The following MVB12B variants were observed in gnomAD, a reference collection of about 807,000 sequenced individuals.
MVB12B encodes multivesicular body subunit 12B, also known as ESCRT-I complex subunit MVB12B.
A neutral mutation model predicts 41.6 loss-of-function variants in MVB12B; 16 were observed. The ratio of observed to expected loss-of-function variants is 0.38; its 90% CI spans 0.26 to 0.58. MVB12B has a LOEUF of 0.58. MVB12B is among the 20% of genes least tolerant of loss of function. The pLI, the probability that MVB12B is intolerant of heterozygous loss-of-function variation, is 0.62. For synonymous variants in MVB12B, 133 were observed against 139.7 expected (o/e 0.95, Z 0.34); for missense variants, 274 against 380.2 (o/e 0.72, Z 2.32).
rs1829191382 is a variant in MVB12B at position 126,333,594 on chromosome 9, C to T, written c.81+6584C>T. Among the ~76,000 whole-genome samples, 1 of 148,468 alleles carries T rather than the reference C, an allele frequency of 6.7e-6. No homozygotes were observed. The highest frequency in any genetic ancestry group is 6.7e-5 in the Admixed American group (1 of 14,954). The stretch of plus-strand genomic sequence containing the variant: ...AATTTTTGTATTTTTAGTAGAGATG[C>T]GGTTTTGCCATGTTGGCCAGGCTGG... On this transcript the variant is annotated intron_variant, in intron 1 of 9. Transcript: ENST00000361171. The surrounding 1 kb of genome is among the most constrained non-coding windows in gnomAD (Gnocchi z 4.7).
chr9:126,482,375 C>A (rs141288163), intron 8 of MVB12B, among the ~76,000 whole-genome samples: 4 of 152,256 alleles, frequency 2.6e-5, no homozygotes, highest in Non-Finnish European at 4.4e-5. Flanking sequence ...TGCGATTTGA[C>A]CTGCTCTGTA....
In MVB12B at chr9:126,392,337, G is replaced by T; in HGVS notation, c.539+142G>T. 2 of 963,274 alleles carry T rather than the reference G, an allele frequency of 2.1e-6. No homozygotes were observed. Among genetic ancestry groups the T allele is most frequent in the Non-Finnish European group, 3.1e-6 (2 of 644,174 alleles). 59.7% of individuals were successfully genotyped at this position (963,274 alleles called of 1,614,324 possible). A position where few individuals can be genotyped will look rare whatever the true frequency, so the allele number is the denominator to read the frequency against. On this transcript the variant is annotated intron_variant, in intron 5 of 9. Coordinates refer to ENST00000361171, the MANE Select transcript of MVB12B (RefSeq NM_033446.3). The surrounding 1 kb of genome is among the most constrained non-coding windows in gnomAD (Gnocchi z 4.8). ...CTCTGTCAGCCCAGTGCTCCTCGCT[G>T]CCCTTCCTGCTCAGCTGCGGTCTCT...
At chr9:126,348,245 G>C (rs1347851494) in intron 2 of MVB12B, among the ~76,000 whole-genome samples, 1 of 152,168 alleles carries the variant, frequency 6.6e-6, no homozygotes, top group Non-Finnish European at 1.5e-5. Flanking sequence ...ACTAGCCCTG[G>C]GCCTTTGTTC....
At chr9:126,437,512 A>G (rs1229021440) in intron 7 of MVB12B, among the ~76,000 whole-genome samples, 1 of 152,232 alleles carries the variant, frequency 6.6e-6, no homozygotes, top group Non-Finnish European at 1.5e-5. Flanking sequence ...CCATAATATT[A>G]TAGCTTATGA....
chr9:126,353,860 G>C lies in MVB12B; in HGVS notation c.204+13230G>C, dbSNP rs115662993. 6.1e-3 allele frequency among the ~76,000 whole-genome samples: 922 copies of C among 152,240 alleles called. 13 individuals are homozygous for C. Among genetic ancestry groups the C allele is most frequent in the African/African-American group, 0.021 (870 of 41,542 alleles). ...TGAGTATTCCCATTCATACATCTCT[G>C]GGTGTGTGCTGGTGGATCAAAGGAT... On this transcript the variant is annotated intron_variant, in intron 2 of 9. Transcript: ENST00000361171.
At chr9:126,393,916 G>A (rs934013246) in intron 5 of MVB12B, among the ~76,000 whole-genome samples, 2 of 152,248 alleles carry the variant, frequency 1.3e-5, no homozygotes, top group Non-Finnish European at 2.9e-5. Context: ...AGCCGCCTTT[G>A]TATCAGCCAG....
chr9:126,396,685 C>G lies in MVB12B; in HGVS notation c.662+988C>G, dbSNP rs927554967. The G allele has an allele frequency of 4.1e-6, 4 of 985,356 alleles. No individual in the cohort carries two copies. In the African/African-American group the frequency reaches 7.0e-5, roughly 17 times the overall value. The allele number at this position is 985,356 out of a possible 1,614,324, so 61.0% of individuals were successfully genotyped here. On this transcript the variant is annotated intron_variant, in intron 6 of 9. Coordinates refer to ENST00000361171, the MANE Select transcript of MVB12B (RefSeq NM_033446.3). ...GGCTCCAAAGCCCTGAGGACTCTGT[C>G]CTCTGGGACATCCCCCTATAAAGAC...
Position 126,402,598 on chromosome 9 carries a change from T to G in MVB12B, c.662+6901T>G, listed in dbSNP as rs550151807. On this transcript the variant is annotated intron_variant, in intron 6 of 9. Coordinates refer to ENST00000361171, the MANE Select transcript of MVB12B (RefSeq NM_033446.3). The stretch of plus-strand genomic sequence containing the variant: ...TCAAGGCTGCAGTGAGCTGTGATCA[T>G]GATTCCTCCATTGCATTCCAGCCTG... 3.3e-5 allele frequency among the ~76,000 whole-genome samples: 5 copies of G among 152,224 alleles called. No individual in the cohort carries two copies. In the East Asian group the frequency reaches 9.7e-4, roughly 29 times the overall value.
At chr9:126,397,924 A>G (rs1329574270) in intron 6 of MVB12B, among the ~76,000 whole-genome samples, 1 of 151,826 alleles carries the variant, frequency 6.6e-6, no homozygotes, top group African/African-American at 2.4e-5. Flanking sequence ...TTGTGCTCCG[A>G]GTGCTGGGGG....
intron 6 of MVB12B, among the ~76,000 whole-genome samples, chr9:126,416,865 C>T (rs564127704): frequency 1.3e-5 from 2 of 152,326 alleles, no homozygotes; most frequent in South Asian, 4.1e-4. Flanking sequence ...AATCTCATCT[C>T]GCCAGAGACC....
chr9:126,470,729 G>C (rs1479755096), intron 7 of MVB12B, among the ~76,000 whole-genome samples: 1 of 151,746 alleles, frequency 6.6e-6, no homozygotes. Flanking sequence ...CGTTTGTGGT[G>C]TGAGGGCACC....
chr9:126,491,608 T>TG, intron 9 of MVB12B, among the ~76,000 whole-genome samples: 1 of 152,200 alleles, frequency 6.6e-6, no homozygotes, highest in East Asian at 1.9e-4. Flanking sequence ...CTGAAATGTT[T>TG]GGGGAAATAA....
chr9:126,434,280 T>C (rs969013630), intron 7 of MVB12B, among the ~76,000 whole-genome samples: 4 of 152,210 alleles, frequency 2.6e-5, no homozygotes, highest in Admixed American at 2.0e-4. Flanking sequence ...AGCCTGGAGT[T>C]TGGATGGAAT....
intron 7 of MVB12B, among the ~76,000 whole-genome samples, chr9:126,455,156 ATTTATTTTATTTTATTTTATTTTTTAT>A (rs1027750091): frequency 6.6e-6 from 1 of 152,006 alleles, no homozygotes; most frequent in African/African-American, 2.4e-5. Context: ...CTAGAGGTGA[ATTTATTTTATTTTATTTTATTTTTTAT>A]TTTATTTTAT....
intron 7 of MVB12B, among the ~76,000 whole-genome samples, chr9:126,437,414 G>T (rs1385612535): frequency 6.6e-6 from 1 of 152,166 alleles, no homozygotes; most frequent in Non-Finnish European, 1.5e-5. Flanking sequence ...TAAACTATGT[G>T]CATCTGCTTT....
At chr9:126,458,982 G>A (rs1289806461) in intron 7 of MVB12B, among the ~76,000 whole-genome samples, 1 of 152,186 alleles carries the variant, frequency 6.6e-6, no homozygotes, top group East Asian at 1.9e-4. Flanking sequence ...ATTACTGAAA[G>A]TCAATACCTT....
At chr9:126,461,884 G>A (rs1194606941) in intron 7 of MVB12B, among the ~76,000 whole-genome samples, 3 of 152,166 alleles carry the variant, frequency 2.0e-5, no homozygotes, top group African/African-American at 4.8e-5. Flanking sequence ...TCGCCCACCC[G>A]CCAGCCATTC....
At position 126,326,967 on chromosome 9, in the gene MVB12B, C is replaced by CGCCGCCGCCGCA. The variant is rs1393024684; in HGVS notation, c.42_53dup (p.Gln17_Pro20dup). 6 of 256,018 alleles carry CGCCGCCGCCGCA rather than the reference C, an allele frequency of 2.3e-5. No homozygotes were observed. The highest frequency in any genetic ancestry group is 1.4e-4 in the East Asian group (1 of 6,914). 15.9% of individuals were successfully genotyped at this position (256,018 alleles called of 1,614,324 possible). A position where few individuals can be genotyped will look rare whatever the true frequency, so the allele number is the denominator to read the frequency against. On this transcript the variant is annotated inframe_insertion, in exon 1 of 10. Coordinates refer to ENST00000361171, the MANE Select transcript of MVB12B (RefSeq NM_033446.3). ...TTCTGCGTGAGACGGAGCCGGGACC[C>CGCCGCCGCCGCA]GCCGCCGCCGCAGCCACCGCCGCCG...
chr9:126,451,978 A>G (rs1160698672), intron 7 of MVB12B, among the ~76,000 whole-genome samples: 1 of 152,120 alleles, frequency 6.6e-6, no homozygotes, highest in Non-Finnish European at 1.5e-5. Flanking sequence ...TGAAAGTCCC[A>G]CTGTTTCATT....
Sources: allele counts gnomAD v4.1 joint callset (sites outside exome capture counted in the v4.1 genomes callset), GRCh38; gene constraint gnomAD v4.1.1; non-coding constraint Gnocchi (gnomAD v3.1); transcripts MANE v1.5; gene names NCBI Gene and HGNC (gene_info 2026-07-23, HGNC 2026-07-21).